PPIL6: variants seen among roughly 807,000 people sequenced by gnomAD.
PPIL6 encodes probable inactive peptidyl-prolyl cis-trans isomerase-like 6.
A neutral mutation model predicts 36.8 loss-of-function variants in PPIL6; 39 were observed. That is an observed-to-expected ratio of 1.06 (90% confidence interval 0.82 to 1.38). The LOEUF (loss-of-function observed/expected upper bound fraction) is 1.38, where lower values mean the gene tolerates loss of function less well. Among genes scored for constraint, PPIL6 ranks in the 40% most tolerant of loss-of-function variants. The pLI, the probability that PPIL6 is intolerant of heterozygous loss-of-function variation, is 0.00. For synonymous variants in PPIL6, 123 were observed against 134.1 expected (o/e 0.92, Z 0.57); for missense variants, 368 against 379.1 (o/e 0.97, Z 0.24).
At chr6:109,440,716 G>T, upstream of PPIL6, 1 of 682,068 alleles carries the variant, frequency 1.5e-6, no homozygotes, top group Non-Finnish European at 1.9e-6. Context: ...CGTGGCGGCT[G>T]GGCCTTTCCT....
chr6:109,402,465 G>A (rs999535978), intron 6 of PPIL6, among the ~76,000 whole-genome samples: 3 of 152,074 alleles, frequency 2.0e-5, no homozygotes, highest in African/African-American at 7.2e-5. Flanking sequence ...GAACCCAGGA[G>A]GCGGAGGTTG....
rs756668924 is a variant in PPIL6 at position 109,419,254 on chromosome 6, G to A, written c.632-11C>T. 1 of 1,491,468 alleles carries A rather than the reference G, an allele frequency of 6.7e-7. No individual in the cohort carries two copies. The allele number at this position is 1,491,468 out of a possible 1,614,324, so 92.4% of individuals were successfully genotyped here. ...TTCCATACACTATATCTGAGAAATAGCAACAAATAAACATTAGAATTTTGA... is the reference window on the plus strand; with the variant it reads ...TTCCATACACTATATCTGAGAAATAACAACAAATAAACATTAGAATTTTGA... On this transcript the variant is annotated splice_polypyrimidine_tract_variant and intron_variant, in intron 5 of 7. Coordinates refer to ENST00000521072, the MANE Select transcript of PPIL6 (RefSeq NM_173672.5).
intron 6 of PPIL6, among the ~76,000 whole-genome samples, chr6:109,402,007 G>A (rs1378332070): frequency 6.6e-6 from 1 of 152,046 alleles, no homozygotes; most frequent in Non-Finnish European, 1.5e-5. Flanking sequence ...ACAGGCGTGA[G>A]CCACCGCGCC....
chr6:109,431,409 C>T (rs1582594361), intron 2 of PPIL6, 64 bp from the exon 3 acceptor site: 1 of 1,233,130 alleles, frequency 8.1e-7, no homozygotes, highest in Non-Finnish European at 1.1e-6. Context: ...TTGCTAAACC[C>T]ATAAGCCAGA....
At chr6:109,394,370 C>CAAAAAAAAAAAA (rs560635029) in intron 7 of PPIL6, among the ~76,000 whole-genome samples, 1 of 50,284 alleles carries the variant, frequency 2.0e-5, no homozygotes, top group Non-Finnish European at 4.2e-5. Context: ...AGACTTATCT[C>CAAAAAAAAAAAA]AAAAAAAAAA....
rs1773120304 is a variant in PPIL6 at position 109,413,768 on chromosome 6, A to C, written c.688+5419T>G. On this transcript the variant is annotated intron_variant, in intron 6 of 7. Transcript: ENST00000521072. This position sits in a 1 kb window ranked among gnomAD's most constrained non-coding sequence, Gnocchi z 4.6. The stretch of plus-strand genomic sequence containing the variant: ...AAATGTGGTACATATACACAATGGA[A>C]TACTATTCAGCCATAAAAAAGAATG... Among the ~76,000 whole-genome samples, 2 of 152,240 alleles carry C rather than the reference A, an allele frequency of 1.3e-5. No individual in the cohort carries two copies. The highest frequency in any genetic ancestry group is 2.4e-5 in the African/African-American group (1 of 41,476).
In PPIL6 at chr6:109,419,186, C is replaced by A; in HGVS notation, c.688+1G>T. ...AACTAACAAAATGTAAAGATACATA[C>A]CTTCAAATGTTGGACCATAAATCGA... On this transcript the variant is annotated splice_donor_variant, in intron 6 of 7. Transcript: ENST00000521072. LOFTEE classifies it high-confidence loss of function. The A allele has an allele frequency of 6.5e-7, 1 of 1,534,386 alleles. No individual in the cohort carries two copies. Among genetic ancestry groups the A allele is most frequent in the African/African-American group, 1.4e-5 (1 of 73,362 alleles).
intron 6 of PPIL6, chr6:109,418,366 T>A (rs1773369362): frequency 1.3e-5 from 2 of 152,602 alleles, no homozygotes; most frequent in South Asian, 4.1e-4. Flanking sequence ...GGATCCTAAG[T>A]ACCCTATTCT....
chr6:109,430,947 G>T (rs1335805139), intron 3 of PPIL6, among the ~76,000 whole-genome samples: 1 of 152,180 alleles, frequency 6.6e-6, no homozygotes, highest in Non-Finnish European at 1.5e-5. Context: ...GCACAGAGAT[G>T]ATCTCCCCGT....
rs903060006 is a variant in PPIL6 at position 109,431,410 on chromosome 6, A to G, written c.232-65T>C. ...AGTGGGGGGAAAACTTGCTAAACCC[A>G]TAAGCCAGAGCTTAGGATCAACTCT... On this transcript the variant is annotated intron_variant, in intron 2 of 7. Transcript: ENST00000521072. 3.3e-6 allele frequency: 4 copies of G among 1,220,618 alleles called. No individual in the cohort carries two copies. The South Asian group carries it at 5.9e-5, about 18-fold the overall frequency. The allele number at this position is 1,220,618 out of a possible 1,614,324, so 75.6% of individuals were successfully genotyped here.
chr6:109,426,893 AT>A lies in PPIL6; in HGVS notation c.584del (p.Asn195IlefsTer7). The A allele has an allele frequency of 6.2e-7, 1 of 1,602,386 alleles. No homozygotes were observed. Among genetic ancestry groups the A allele is most frequent in the Non-Finnish European group, 8.5e-7 (1 of 1,171,148 alleles). ...TCTGTACTATTCGATGAAAAATGGA[AT>A]TTTTGTAATGTAGTCTTATGCCACG... Reference protein sequence around the residue: ...SQRGIRLHYKNSIFHRIVQNG... With the variant: ...SQRGIRLHYKXSIFHRIVQNG... On this transcript the variant is annotated frameshift_variant, in exon 5 of 8. Coordinates refer to ENST00000521072, the MANE Select transcript of PPIL6 (RefSeq NM_173672.5). LOFTEE classifies it high-confidence loss of function.
rs60069816 is a variant in PPIL6 at position 109,391,287 on chromosome 6, CAAAAAAAAAAAAAAAA to C, written c.*1523_*1538del. Reference sequence around the variant, plus strand: ...TGGGCGACAGAGTGAGATTCCGTCTCAAAAAAAAAAAAAAAAAAAAAAAAAAAAAGAAAAGCACTCT... The same window carrying C: ...TGGGCGACAGAGTGAGATTCCGTCTCAAAAAAAAAAAAAGAAAAGCACTCT... On this transcript the variant is annotated 3_prime_UTR_variant, in exon 8 of 8. Transcript: ENST00000521072. The C allele has an allele frequency of 0.21, 10,537 of 49,290 alleles. 1,233 individuals are homozygous for C. Among genetic ancestry groups the C allele is most frequent in the African/African-American group, 0.4 (8,670 of 21,744 alleles). 3.1% of individuals were successfully genotyped at this position (49,290 alleles called of 1,614,324 possible).
intron 6 of PPIL6, among the ~76,000 whole-genome samples, chr6:109,414,477 CTTTTTTTTTTTT>C (rs146541023): frequency 1.2e-5 from 1 of 86,512 alleles, no homozygotes; most frequent in Non-Finnish European, 2.0e-5. Context: ...TGTCTTTTAG[CTTTTTTTTTTTT>C]TTTTTTTTTT....
chr6:109,419,865 TAATGC>T (rs775642359), intron 5 of PPIL6, among the ~76,000 whole-genome samples: 10 of 152,222 alleles, frequency 6.6e-5, no homozygotes, highest in Non-Finnish European at 1.3e-4. Flanking sequence ...ACATTCATGA[TAATGC>T]AAACTTTTGA....
chr6:109,400,277 T>C (rs2115199975), intron 6 of PPIL6, 107 bp from the exon 7 acceptor site: 1 of 816,584 alleles, frequency 1.2e-6, no homozygotes, highest in East Asian at 2.6e-5. Flanking sequence ...CAATCATATT[T>C]ATCAATGGAT....
intron 6 of PPIL6, among the ~76,000 whole-genome samples, chr6:109,407,846 A>G (rs548732034): frequency 7.2e-5 from 11 of 152,176 alleles, no homozygotes; most frequent in South Asian, 2.1e-4. Flanking sequence ...ACCCTTTGAG[A>G]TGGGGTCTTG....
chr6:109,418,196 T>A (rs1163850410), intron 6 of PPIL6: 1 of 153,232 alleles, frequency 6.5e-6, no homozygotes, highest in Non-Finnish European at 1.5e-5. Context: ...GTATCCTGGA[T>A]AATTTTGATG....
upstream of PPIL6, chr6:109,440,770 C>T (rs1774820622): frequency 1.2e-5 from 4 of 338,136 alleles, no homozygotes; most frequent in Non-Finnish European, 2.0e-5. Context: ...CGGGCGGCCG[C>T]GACCGCCGGG....
intron 3 of PPIL6, among the ~76,000 whole-genome samples, chr6:109,428,941 A>T (rs1419429766): frequency 6.6e-6 from 1 of 152,228 alleles, no homozygotes; most frequent in African/African-American, 2.4e-5. Flanking sequence ...TTCCCTGCGC[A>T]TCAAGATATT....
Sources: allele counts gnomAD v4.1 joint callset (sites outside exome capture counted in the v4.1 genomes callset), GRCh38; gene constraint gnomAD v4.1.1; non-coding constraint Gnocchi (gnomAD v3.1); transcripts MANE v1.5; gene names NCBI Gene and HGNC (gene_info 2026-07-23, HGNC 2026-07-21).